The following LYZL4 variants were observed in gnomAD, a reference collection of about 807,000 sequenced individuals.
LYZL4 encodes lysozyme like 4.
In LYZL4, 13 loss-of-function variants were observed where a neutral mutation model predicts 17.6. The observed-to-expected ratio is 0.74, with a 90% CI of 0.48 to 1.18. LYZL4 has a LOEUF of 1.18. Ranked by LOEUF, LYZL4 falls within the 50% of genes most tolerant of loss-of-function variation. LYZL4 has a pLI of 0.00. For synonymous variants in LYZL4, 64 were observed against 67.7 expected, an observed-to-expected ratio of 0.95 and a Z score of 0.27; for missense variants, 174 against 188.2, an observed-to-expected ratio of 0.92 and a Z score of 0.44.
the LYZL4 span, among the ~76,000 whole-genome samples, chr3:42,370,002 C>T: frequency 6.6e-6 from 1 of 152,112 alleles, no homozygotes; most frequent in Non-Finnish European, 1.5e-5. Context: ...GGTAACACAG[C>T]AAGACCCCAT....
rs1698706443 is a variant in LYZL4, at chr3:42,404,072, T to A, written c.345A>T (p.Val115=). 3.7e-6 allele frequency: 6 copies of A among 1,612,826 alleles called. No individual in the cohort carries two copies. In the African/African-American group the frequency reaches 8.0e-5, roughly 22 times the overall value. ...EKTIKCAKTI[V]KGKEGMGAWP... ...ATGCTCCCATCCCTTCTTTTCCTTT[T>A]ACAATGGTCTTGGCACATTTAATTG... Residue 115 remains valine (V), a synonymous_variant, in exon 4 of 5, where the codon GTA becomes GTT. Coordinates refer to ENST00000287748, the MANE Select transcript of LYZL4 (RefSeq NM_144634.4).
the LYZL4 span, among the ~76,000 whole-genome samples, chr3:42,380,799 G>A: frequency 6.6e-6 from 1 of 152,312 alleles, no homozygotes; most frequent in Non-Finnish European, 1.5e-5. Flanking sequence ...ACACTTCCAT[G>A]GGGGAAGTGT....
At chr3:42,395,612 G>T (rs959796581), downstream of LYZL4, among the ~76,000 whole-genome samples, 1 of 152,118 alleles carries the variant, frequency 6.6e-6, no homozygotes, top group Non-Finnish European at 1.5e-5. Context: ...CCAGTGAGGG[G>T]ATATTCTTAA....
chr3:42,392,402 TAAAGAG>T (rs551033815), downstream of LYZL4, among the ~76,000 whole-genome samples: 35 of 152,136 alleles, frequency 2.3e-4, no homozygotes, highest in South Asian at 7.1e-3. Flanking sequence ...GTGGGAGAGT[TAAAGAG>T]AGAGGAGAAA....
the LYZL4 span, among the ~76,000 whole-genome samples, chr3:42,372,156 AG>A: frequency 6.6e-6 from 1 of 152,202 alleles, no homozygotes; most frequent in Non-Finnish European, 1.5e-5. Flanking sequence ...TTGGTCAGGC[AG>A]GGGAGAGACC....
the LYZL4 span, among the ~76,000 whole-genome samples, chr3:42,376,699 T>C: frequency 6.6e-6 from 1 of 152,196 alleles, no homozygotes; most frequent in African/African-American, 2.4e-5. Flanking sequence ...CCTATGTGGC[T>C]GTGGGCACTT....
chr3:42,373,545 G>T, the LYZL4 span, among the ~76,000 whole-genome samples: 1 of 152,204 alleles, frequency 6.6e-6, no homozygotes, highest in African/African-American at 2.4e-5. Context: ...GGGCGTGGGG[G>T]AGGGTGTGCA....
At chr3:42,363,943 C>T in the LYZL4 span, among the ~76,000 whole-genome samples, 7 of 152,336 alleles carry the variant, frequency 4.6e-5, no homozygotes, top group East Asian at 3.9e-4. Context: ...TATAGGAAAA[C>T]AGCTCCACTG....
chr3:42,364,209 T>C, the LYZL4 span, among the ~76,000 whole-genome samples: 22,738 of 152,116 alleles, frequency 0.15, 4,294 homozygotes, highest in African/African-American at 0.44. Flanking sequence ...CCTCAGAACA[T>C]TGCTGCAGAA....
the LYZL4 span, among the ~76,000 whole-genome samples, chr3:42,374,906 T>C: frequency 6.6e-6 from 1 of 152,146 alleles, no homozygotes; most frequent in Non-Finnish European, 1.5e-5. Flanking sequence ...CACTGAAGCC[T>C]CAACCCATCC....
chr3:42,396,527 A>T (rs1254579660), downstream of LYZL4, among the ~76,000 whole-genome samples: 1 of 152,252 alleles, frequency 6.6e-6, no homozygotes, highest in East Asian at 1.9e-4. Flanking sequence ...CTAAAAAGTC[A>T]GATGCAAAAC....
the LYZL4 span, among the ~76,000 whole-genome samples, chr3:42,377,939 G>A: frequency 1.3e-5 from 2 of 152,110 alleles, no homozygotes; most frequent in African/African-American, 2.4e-5. Flanking sequence ...GACTCAGCTC[G>A]CCAAGGTCTA....
chr3:42,401,241 C>T (rs899640677), intron 4 of LYZL4, among the ~76,000 whole-genome samples: 7 of 152,068 alleles, frequency 4.6e-5, no homozygotes, highest in African/African-American at 1.2e-4. Flanking sequence ...GACAGAGTCT[C>T]GCTCTGTTGC....
downstream of LYZL4, among the ~76,000 whole-genome samples, chr3:42,395,163 C>A (rs1336895358): frequency 1.3e-5 from 2 of 152,180 alleles, no homozygotes; most frequent in East Asian, 3.8e-4. Flanking sequence ...AGTAAAAGTT[C>A]TGTCTCTGAA....
the LYZL4 span, among the ~76,000 whole-genome samples, chr3:42,374,599 T>G: frequency 1.3e-5 from 2 of 152,062 alleles, no homozygotes; most frequent in East Asian, 3.9e-4. Flanking sequence ...AAATCAGGAT[T>G]TCTAGCTGTT....
chr3:42,378,750 G>A, the LYZL4 span, among the ~76,000 whole-genome samples: 81,230 of 151,952 alleles, frequency 0.53, 23,284 homozygotes, highest in East Asian at 0.84. Flanking sequence ...TGCAACTAAC[G>A]TGTAGATTTA....
At chr3:42,374,517 G>A in the LYZL4 span, among the ~76,000 whole-genome samples, 21 of 152,042 alleles carry the variant, frequency 1.4e-4, no homozygotes, top group African/African-American at 4.4e-4. Flanking sequence ...ACCAACTGTC[G>A]AGGCCACCGA....
chr3:42,369,707 G>A, the LYZL4 span, among the ~76,000 whole-genome samples: 1 of 152,200 alleles, frequency 6.6e-6, no homozygotes, highest in South Asian at 2.1e-4. Flanking sequence ...GCAATGGCAA[G>A]TGGAATGCTT....
intron 4 of LYZL4, among the ~76,000 whole-genome samples, chr3:42,400,095 T>C (rs1698629612): frequency 6.6e-6 from 1 of 152,282 alleles, no homozygotes; most frequent in South Asian, 2.1e-4. Flanking sequence ...CATAACCTTC[T>C]GGATCAGATT....
Sources: gnomAD v4.1 joint callset for allele counts (sites outside exome capture counted in the v4.1 genomes callset) on GRCh38, gnomAD v4.1.1 for gene constraint, MANE v1.5 for transcripts, NCBI Gene and HGNC (gene_info 2026-07-23, HGNC 2026-07-21) for gene names.